NUP155: variants seen among roughly 807,000 people sequenced by gnomAD.
The protein encoded by NUP155 is nucleoporin 155.
In NUP155, 71 loss-of-function variants were observed where a neutral mutation model predicts 180.4. That is an observed-to-expected ratio of 0.39 (90% CI 0.33 to 0.48). NUP155 has a LOEUF of 0.48. Ranked by LOEUF, NUP155 falls within the 20% of genes least tolerant of loss-of-function variation. The pLI is 0.91. For synonymous variants in NUP155, 582 were observed against 559.5 expected (o/e 1.04, Z -0.57); for missense variants, 1,553 against 1,648.9 (o/e 0.94, Z 1.01).
At chr5:37,329,322 C>T (rs763380204) in intron 15 of NUP155, 44 bp from the exon 16 acceptor site, 1 of 1,484,740 alleles carries the variant, frequency 6.7e-7, no homozygotes, top group Non-Finnish European at 9.4e-7. Context: ...TAAAACAAAC[C>T]ATCCATCTTA....
chr5:37,315,734 G>A (rs1743843587), intron 21 of NUP155, among the ~76,000 whole-genome samples: 1 of 152,144 alleles, frequency 6.6e-6, no homozygotes, highest in African/African-American at 2.4e-5. Flanking sequence ...CCTGAGGTCA[G>A]GAGTTCAAGA....
intron 1 of NUP155, among the ~76,000 whole-genome samples, chr5:37,366,208 T>C (rs1747575444): frequency 6.6e-6 from 1 of 152,208 alleles, no homozygotes; most frequent in African/African-American, 2.4e-5. Context: ...AGGCGTTATT[T>C]AGACCTGACT....
At position 37,370,994 on chromosome 5, in the gene NUP155, AC is replaced by A. The variant is rs760060465; in HGVS notation, c.-18del. Reference sequence around the variant, plus strand: ...AGACGGCATCTCGGAAATCGTAGACACCAGGGTCCAGAAAAAGTCAAAAACC... The same window carrying A: ...AGACGGCATCTCGGAAATCGTAGACACAGGGTCCAGAAAAAGTCAAAAACC... On this transcript the variant is annotated 5_prime_UTR_variant, in exon 1 of 35. Coordinates refer to ENST00000231498, the MANE Select transcript of NUP155 (RefSeq NM_153485.3). 1 of 1,612,790 alleles carries A rather than the reference AC, an allele frequency of 6.2e-7. No homozygotes were observed. Among genetic ancestry groups the A allele is most frequent in the East Asian group, 2.2e-5 (1 of 44,872 alleles).
Position 37,330,253 on chromosome 5 carries a change from C to T in NUP155, c.1630-121G>A, listed in dbSNP as rs111677785. ...AGAGCAGGCATTCAATAAATACTTGCTGACTGAATGAAATCAGTTAGTGTT... is the reference window on the plus strand; with the variant it reads ...AGAGCAGGCATTCAATAAATACTTGTTGACTGAATGAAATCAGTTAGTGTT... On this transcript the variant is annotated intron_variant, in intron 14 of 34. Transcript: ENST00000231498. The T allele has an allele frequency of 6.4e-5, 46 of 717,770 alleles. 3 individuals are homozygous for T. The highest frequency in any genetic ancestry group is 5.0e-4 in the African/African-American group (28 of 56,256). 44.5% of individuals were successfully genotyped at this position (717,770 alleles called of 1,614,324 possible). A position where few individuals can be genotyped will look rare whatever the true frequency, so the allele number is the denominator to read the frequency against.
At chr5:37,349,273 G>T in intron 7 of NUP155, 28 bp from the exon 8 acceptor site, 2 of 698,824 alleles carry the variant, frequency 2.9e-6, no homozygotes, top group Non-Finnish European at 4.6e-6. Flanking sequence ...AAAAAAAAGA[G>T]AAAAAAGTAA....
intron 27 of NUP155, 75 bp downstream of exon 27, chr5:37,304,664 T>A (rs1420425259): frequency 9.5e-7 from 1 of 1,048,764 alleles, no homozygotes; most frequent in Non-Finnish European, 1.5e-6. Flanking sequence ...ATTTTTTACA[T>A]CTATATATGT....
chr5:37,369,617 C>T (rs1747832062), intron 1 of NUP155, among the ~76,000 whole-genome samples: 1 of 140,706 alleles, frequency 7.1e-6, no homozygotes. Context: ...TGCTAATAGG[C>T]CAATCAGGTA....
chr5:37,300,020 C>A (rs1272950035), intron 30 of NUP155, among the ~76,000 whole-genome samples: 3 of 149,512 alleles, frequency 2.0e-5, no homozygotes, highest in Admixed American at 6.6e-5. Flanking sequence ...TCTGTCTCCC[C>A]CCGCCAAAAA....
At chr5:37,343,296 G>A (rs1397883727) in intron 9 of NUP155, among the ~76,000 whole-genome samples, 2 of 152,070 alleles carry the variant, frequency 1.3e-5, no homozygotes, top group East Asian at 3.9e-4. Flanking sequence ...GGATGGTCTC[G>A]ATCTCCTGAC....
intron 10 of NUP155, among the ~76,000 whole-genome samples, chr5:37,342,059 GAA>G (rs1447324279): frequency 1.3e-5 from 2 of 152,094 alleles, no homozygotes; most frequent in Non-Finnish European, 2.9e-5. Context: ...GGTTTTTTGA[GAA>G]AAGATCTTGC....
intron 14 of NUP155, 56 bp downstream of exon 14, chr5:37,331,629 G>T: frequency 1.1e-6 from 1 of 906,466 alleles, no homozygotes; most frequent in South Asian, 1.4e-5. Flanking sequence ...CATAAACTAT[G>T]ACTCCCACTG....
At position 37,293,721 on chromosome 5, in the gene NUP155, C is replaced by T. The variant is rs574562980; in HGVS notation, c.3930+608G>A. On this transcript the variant is annotated intron_variant, in intron 33 of 34. Transcript: ENST00000231498. ...TTTAAAGCAAATGATGATTCTTGGC[C>T]GGGCGCGGTGGCTCACGCCTGTAAT... is the stretch of plus-strand genomic sequence containing the variant. Among the ~76,000 whole-genome samples, 128 of 77,564 alleles carry T rather than the reference C, an allele frequency of 1.7e-3. 53 individuals carry two copies. In the African/African-American group the frequency reaches 0.043, roughly 26 times the overall value. The allele number at this position is 77,564 out of a possible 152,430, so 50.9% of individuals were successfully genotyped here. A position where few individuals can be genotyped will look rare whatever the true frequency, so the allele number is the denominator to read the frequency against.
At chr5:37,353,197 A>G (rs766304566) in intron 4 of NUP155, among the ~76,000 whole-genome samples, 103 of 152,270 alleles carry the variant, frequency 6.8e-4, no homozygotes, top group Non-Finnish European at 1.1e-3. Flanking sequence ...CACAATAACT[A>G]AAAGGTGAAA....
At chr5:37,364,513 A>C (rs1747425043) in intron 1 of NUP155, 129 bp from the exon 2 acceptor site, 4 of 793,760 alleles carry the variant, frequency 5.0e-6, no homozygotes, top group Middle Eastern at 3.3e-4. Flanking sequence ...TCTAGTTTTG[A>C]CCCAACACAA....
Position 37,307,222 on chromosome 5 carries a change from A to G in NUP155, c.2903+75T>C, listed in dbSNP as rs984731952. The G allele has an allele frequency of 5.3e-6, 8 of 1,504,664 alleles. No homozygotes were observed. The Admixed American group carries it at 5.8e-5, about 11-fold the overall frequency. The allele number at this position is 1,504,664 out of a possible 1,614,324, so 93.2% of individuals were successfully genotyped here. On this transcript the variant is annotated intron_variant, in intron 25 of 34. Transcript: ENST00000231498. ...CAAAAAAAAAAAAAAAACATAAAAC[A>G]AAAAACAAAAAACATTATGCAAAGA...
intron 13 of NUP155, among the ~76,000 whole-genome samples, chr5:37,332,360 C>T (rs1320561421): frequency 1.8e-4 from 21 of 119,236 alleles, no homozygotes; most frequent in Non-Finnish European, 3.0e-4. Flanking sequence ...CTCGTACTGT[C>T]TCCCAGGCTG....
chr5:37,322,961 G>A (rs1214600335), intron 20 of NUP155, among the ~76,000 whole-genome samples: 4 of 149,882 alleles, frequency 2.7e-5, no homozygotes, highest in African/African-American at 5.0e-5. Flanking sequence ...CGACAAGAGC[G>A]AAACTCCGTC....
At position 37,349,233 on chromosome 5, in the gene NUP155, T is replaced by C; in HGVS notation, c.842A>G (p.Gln281Arg). 4.9e-6 allele frequency: 4 copies of C among 819,888 alleles called. No homozygotes were observed. The highest frequency in any genetic ancestry group is 7.5e-6 in the Non-Finnish European group (4 of 532,116). 50.8% of individuals were successfully genotyped at this position (819,888 alleles called of 1,614,324 possible). A position where few individuals can be genotyped will look rare whatever the true frequency, so the allele number is the denominator to read the frequency against. The part of the protein sequence containing the change: ...FTFSEDDPIL[Q>R]IAIDNSRNIL... ...ATTTCTAGAATTATCAATTGCAATT[T>C]GAAGAATAGGATCTAAAAGTAAGAC... Residue 281 changes from glutamine (Q) to arginine (R), a missense_variant, in exon 8 of 35, where the codon CAA (glutamine) becomes CGA (arginine). Coordinates refer to ENST00000231498, the MANE Select transcript of NUP155 (RefSeq NM_153485.3).
chr5:37,320,319 A>C (rs1033706860), intron 20 of NUP155, among the ~76,000 whole-genome samples: 2 of 152,020 alleles, frequency 1.3e-5, no homozygotes, highest in African/African-American at 4.8e-5. Flanking sequence ...CTCTACTAAA[A>C]ATACAAAATT....
Sources: gnomAD v4.1 joint callset for allele counts (sites outside exome capture counted in the v4.1 genomes callset) on GRCh38, gnomAD v4.1.1 for gene constraint, MANE v1.5 for transcripts, NCBI Gene and HGNC (gene_info 2026-07-23, HGNC 2026-07-21) for gene names.